The following TEX9 variants were observed in gnomAD, a reference collection of about 807,000 sequenced individuals.
TEX9 encodes testis-expressed protein 9.
TEX9 carries 74 observed loss-of-function variants against 59.6 expected under a neutral mutation model. The ratio of observed to expected loss-of-function variants is 1.24; its 90% CI spans 1.03 to 1.51. The LOEUF is 1.51. Among genes scored for constraint, TEX9 ranks in the 40% most tolerant of loss-of-function variants. The pLI is 0.00. For synonymous variants in TEX9, 186 were observed against 152.2 expected (o/e 1.22, Z -1.64); for missense variants, 522 against 447.8 (o/e 1.17, Z -1.49).
chr15:56,332,014 T>C (rs1157891281), intron 1 of TEX9, among the ~76,000 whole-genome samples: 1 of 127,890 alleles, frequency 7.8e-6, no homozygotes, highest in Non-Finnish European at 1.7e-5. Context: ...ACTTTTACAC[T>C]GTTGGTGGGA....
chr15:56,369,355 A>G (rs1219666046), intron 2 of TEX9, among the ~76,000 whole-genome samples: 2 of 134,522 alleles, frequency 1.5e-5, no homozygotes, highest in African/African-American at 5.1e-5. Context: ...ATGCCATGCT[A>G]ATTTTTTTTT....
At chr15:56,446,145 T>C (rs1272145497), downstream of TEX9, 1 of 152,056 alleles carries the variant, frequency 6.6e-6, no homozygotes, top group African/African-American at 2.4e-5. Context: ...CATAAGAGTG[T>C]GTGTGTGTGT....
intron 10 of TEX9, among the ~76,000 whole-genome samples, chr15:56,425,211 G>C (rs1394942180): frequency 6.6e-6 from 1 of 152,154 alleles, no homozygotes; most frequent in Non-Finnish European, 1.5e-5. Flanking sequence ...GTGTCTTGCT[G>C]TGGGTCTCTG....
intron 12 of TEX9, chr15:56,428,901 A>AAATT: frequency 2.0e-6 from 1 of 512,370 alleles, no homozygotes; most frequent in South Asian, 2.7e-5. Flanking sequence ...TCGGATTTTG[A>AAATT]AATTATCAGT....
intron 1 of TEX9, among the ~76,000 whole-genome samples, chr15:56,254,068 A>T (rs115786351): frequency 0.014 from 2,117 of 152,254 alleles, 52 homozygotes; most frequent in African/African-American, 0.049. Context: ...TGAAGAGTAA[A>T]TCAAGATGCC....
intron 1 of TEX9, among the ~76,000 whole-genome samples, chr15:56,255,468 T>C (rs180779301): frequency 3.0e-4 from 46 of 152,052 alleles, no homozygotes; most frequent in African/African-American, 1.1e-3. Context: ...ATGGACAGAA[T>C]TTCTTTAATA....
At chr15:56,284,295 C>T in intron 1 of TEX9, among the ~76,000 whole-genome samples, 1 of 152,122 alleles carries the variant, frequency 6.6e-6, no homozygotes, top group East Asian at 1.9e-4. Flanking sequence ...CAATGCCCAG[C>T]TTAATTTCTT....
At chr15:56,320,535 A>T (rs1324061183) in intron 1 of TEX9, among the ~76,000 whole-genome samples, 1 of 152,160 alleles carries the variant, frequency 6.6e-6, no homozygotes, top group African/African-American at 2.4e-5. Context: ...AAGAGCACAT[A>T]TGCATGAGAG....
At chr15:56,253,461 T>C (rs2044075242) in intron 1 of TEX9, among the ~76,000 whole-genome samples, 1 of 152,046 alleles carries the variant, frequency 6.6e-6, no homozygotes, top group South Asian at 2.1e-4. Context: ...TCTTACACAA[T>C]ATTTATAGGA....
At chr15:56,422,326 A>G (rs1363994040) in intron 10 of TEX9, among the ~76,000 whole-genome samples, 1 of 151,838 alleles carries the variant, frequency 6.6e-6, no homozygotes, top group Non-Finnish European at 1.5e-5. Context: ...TTACACCATT[A>G]TATTTAAAAT....
In TEX9 at chr15:56,383,819, G is replaced by C. The variant is rs1241586928; in HGVS notation, c.184-133G>C. ...CCTTATCTTCATACTATAGCATTTA[G>C]AATTCCGTGCCTTTATGTTATGGAA... is the stretch of plus-strand genomic sequence containing the variant. On this transcript the variant is annotated intron_variant, in intron 3 of 12. Transcript: ENST00000352903. 3 of 578,860 alleles carry C rather than the reference G, an allele frequency of 5.2e-6. No individual in the cohort carries two copies. The Middle Eastern group carries it at 1.3e-3, about 255-fold the overall frequency. 35.9% of individuals were successfully genotyped at this position (578,860 alleles called of 1,614,324 possible). A position where few individuals can be genotyped will look rare whatever the true frequency, so the allele number is the denominator to read the frequency against.
chr15:56,405,805 A>C (rs1321926558), intron 9 of TEX9, among the ~76,000 whole-genome samples: 2 of 152,198 alleles, frequency 1.3e-5, no homozygotes, highest in African/African-American at 2.4e-5. Flanking sequence ...ATAAATCTGC[A>C]AAAGCCAACC....
At chr15:56,394,055 T>A (rs62022124) in intron 7 of TEX9, 110 bp from the exon 8 acceptor site, 1 of 947,790 alleles carries the variant, frequency 1.1e-6, no homozygotes, top group African/African-American at 1.7e-5. Context: ...ATCTCCTATT[T>A]GACTCCCCAT....
At chr15:56,395,998 T>C (rs1211936530) in intron 9 of TEX9, 1 of 152,202 alleles carries the variant, frequency 6.6e-6, no homozygotes, top group Non-Finnish European at 1.5e-5. Flanking sequence ...CTAATATTTA[T>C]TTGGTTTCCT....
At chr15:56,298,786 C>T (rs1053265836) in intron 1 of TEX9, among the ~76,000 whole-genome samples, 1 of 152,164 alleles carries the variant, frequency 6.6e-6, no homozygotes, top group Non-Finnish European at 1.5e-5. Context: ...CTCTCTTAGG[C>T]TTTATCTTTC....
At chr15:56,407,508 TA>T (rs1329035499) in intron 9 of TEX9, among the ~76,000 whole-genome samples, 5 of 152,188 alleles carry the variant, frequency 3.3e-5, no homozygotes, top group African/African-American at 1.2e-4. Context: ...AATATTCTTG[TA>T]TTATGTTTAT....
At chr15:56,395,887 A>G (rs1464307558) in intron 9 of TEX9, 1 of 152,176 alleles carries the variant, frequency 6.6e-6, no homozygotes, top group Non-Finnish European at 1.5e-5. Context: ...CTTATCAGGT[A>G]TATTTTGCAA....
chr15:56,441,658 C>T (rs1002216340), intron 12 of TEX9, among the ~76,000 whole-genome samples: 1 of 152,124 alleles, frequency 6.6e-6, no homozygotes, highest in Admixed American at 6.5e-5. Context: ...GCAAACTATG[C>T]ATCTGACAAA....
chr15:56,359,232 C>T (rs753050905), intron 1 of TEX9, among the ~76,000 whole-genome samples: 2 of 152,076 alleles, frequency 1.3e-5, no homozygotes, highest in African/African-American at 2.4e-5. Flanking sequence ...ACCATGTCAA[C>T]CATATTTTAA....
Sources: allele counts gnomAD v4.1 joint callset (sites outside exome capture counted in the v4.1 genomes callset), GRCh38; gene constraint gnomAD v4.1.1; transcripts MANE v1.5; gene names NCBI Gene and HGNC (gene_info 2026-07-23, HGNC 2026-07-21).